The following HTRA3 variants were observed in gnomAD, a reference collection of about 807,000 sequenced individuals.
The protein encoded by HTRA3 is HtrA serine peptidase 3.
A neutral mutation model predicts 43.2 loss-of-function variants in HTRA3; 41 were observed. The ratio of observed to expected loss-of-function variants is 0.95; its 90% CI spans 0.74 to 1.23. The LOEUF is 1.23. Among genes scored for constraint, HTRA3 ranks in the 50% most tolerant of loss-of-function variants. The pLI is 0.00. For synonymous variants in HTRA3, 295 were observed against 287.9 expected (o/e 1.02, Z -0.25); for missense variants, 628 against 647.1 (o/e 0.97, Z 0.32).
chr4:8,272,687 A>G (rs1482678043), intron 1 of HTRA3, among the ~76,000 whole-genome samples: 1 of 152,224 alleles, frequency 6.6e-6, no homozygotes, highest in African/African-American at 2.4e-5. Context: ...CTTCTGTGCC[A>G]AGCTGTGGAG....
intron 1 of HTRA3, among the ~76,000 whole-genome samples, chr4:8,281,698 C>T (rs1462758561): frequency 2.0e-5 from 3 of 152,222 alleles, no homozygotes; most frequent in Admixed American, 6.5e-5. Flanking sequence ...GGGCTGTGGG[C>T]CCCGTGCCAC....
At chr4:8,280,019 C>T (rs569121080) in intron 1 of HTRA3, among the ~76,000 whole-genome samples, 2 of 152,252 alleles carry the variant, frequency 1.3e-5, no homozygotes, top group African/African-American at 4.8e-5. Context: ...GGGGCTGCTG[C>T]GGGGCTGCCT....
At chr4:8,293,829 C>A (rs568798028) in intron 5 of HTRA3, among the ~76,000 whole-genome samples, 25 of 152,226 alleles carry the variant, frequency 1.6e-4, no homozygotes, top group African/African-American at 6.0e-4. Context: ...GTGGCCAGAG[C>A]CTGGGGGCAG....
intron 5 of HTRA3, among the ~76,000 whole-genome samples, chr4:8,293,469 T>G (rs1409377415): frequency 6.6e-6 from 1 of 152,058 alleles, no homozygotes; most frequent in Non-Finnish European, 1.5e-5. Flanking sequence ...CCTGGTGAGC[T>G]GGCCAGGCCC....
At chr4:8,274,816 A>G (rs879340611) in intron 1 of HTRA3, among the ~76,000 whole-genome samples, 9 of 152,204 alleles carry the variant, frequency 5.9e-5, no homozygotes, top group Non-Finnish European at 1.3e-4. Flanking sequence ...CCATGCGCTC[A>G]GAATGTAGAG....
rs541088379 is a variant in HTRA3 at position 8,297,751 on chromosome 4, A to T, written c.1051+3550A>T. On this transcript the variant is annotated intron_variant, in intron 6 of 8. Transcript: ENST00000307358. This position sits in a 1 kb window ranked among gnomAD's most constrained non-coding sequence, Gnocchi z 5.8. Reference sequence around the variant, plus strand: ...GAGGATCCCACCCCCTGGATTTAGAAGCCACCTAGAGAGTGATCCCCCGGA... The same window carrying T: ...GAGGATCCCACCCCCTGGATTTAGATGCCACCTAGAGAGTGATCCCCCGGA... 5.3e-5 allele frequency among the ~76,000 whole-genome samples: 8 copies of T among 152,140 alleles called. No individual in the cohort carries two copies. The highest frequency in any genetic ancestry group is 1.3e-4 in the Admixed American group (2 of 15,296).
Position 8,297,677 on chromosome 4 carries a change from G to C in HTRA3, c.1051+3476G>C, listed in dbSNP as rs1259680334. Among the ~76,000 whole-genome samples the C allele has an allele frequency of 2.0e-5, 3 of 152,150 alleles. No homozygotes were observed. The highest frequency in any genetic ancestry group is 4.4e-5 in the Non-Finnish European group (3 of 68,020). On this transcript the variant is annotated intron_variant, in intron 6 of 8. Coordinates refer to ENST00000307358, the MANE Select transcript of HTRA3 (RefSeq NM_053044.5). The surrounding 1 kb of genome is among the most constrained non-coding windows in gnomAD (Gnocchi z 5.8). ...GGAGATTGCAGGGGACTCCCAGGCA[G>C]TGGGAGTGGGAAGGGCCCATGTCCC...
rs749177976 is a variant in HTRA3, at chr4:8,270,253, C to T, written c.285C>T (p.His95=). 3.3e-6 allele frequency: 5 copies of T among 1,521,030 alleles called. No individual in the cohort carries two copies. The South Asian group carries it at 6.0e-5, about 18-fold the overall frequency. 94.2% of individuals were successfully genotyped at this position (1,521,030 alleles called of 1,614,324 possible). A position where few individuals can be genotyped will look rare whatever the true frequency, so the allele number is the denominator to read the frequency against. Residue 95 remains histidine, a synonymous_variant, in exon 1 of 9, where the codon CAC becomes CAT. Transcript: ENST00000307358. ...WSHAVCGTDG[H]TYANVCALQA... is the part of the protein sequence containing the mutation. ...ACGCCGTGTGTGGCACCGACGGGCA[C>T]ACCTATGCCAACGTGTGCGCGCTGC... is the stretch of plus-strand genomic sequence containing the variant.
chr4:8,278,630 G>A (rs540778922), intron 1 of HTRA3, among the ~76,000 whole-genome samples: 4 of 152,162 alleles, frequency 2.6e-5, no homozygotes, highest in East Asian at 3.9e-4. Context: ...GCTGGGGCAC[G>A]GGGGCCCCTG....
chr4:8,274,878 C>T (rs1283103245), intron 1 of HTRA3, among the ~76,000 whole-genome samples: 1 of 152,162 alleles, frequency 6.6e-6, no homozygotes, highest in Non-Finnish European at 1.5e-5. Context: ...TATTGTGCAA[C>T]CCCAAGCAGG....
At chr4:8,299,118 A>G (rs1007150694) in intron 6 of HTRA3, among the ~76,000 whole-genome samples, 1 of 152,232 alleles carries the variant, frequency 6.6e-6, no homozygotes, top group Non-Finnish European at 1.5e-5. Context: ...ATCCATGAAT[A>G]CAGACTACCT....
rs1479063084 is a variant in HTRA3 at position 8,307,070 on chromosome 4, C to T, written c.*934C>T. 1 of 152,688 alleles carries T rather than the reference C, an allele frequency of 6.5e-6. No homozygotes were observed. Among genetic ancestry groups the T allele is most frequent in the Non-Finnish European group, 1.5e-5 (1 of 68,072 alleles). The allele number at this position is 152,688 out of a possible 1,614,324, so 9.5% of individuals were successfully genotyped here. On this transcript the variant is annotated 3_prime_UTR_variant, in exon 9 of 9. Transcript: ENST00000307358. The surrounding 1 kb of genome is among the most constrained non-coding windows in gnomAD (Gnocchi z 6.1). ...GTTGCTTGTACTGTATGTTTCTCTA[C>T]TGTATGGAAAATAAAGTTTACAAGC...
intron 6 of HTRA3, 142 bp downstream of exon 6, chr4:8,294,343 A>C: frequency 1.7e-6 from 1 of 579,456 alleles, no homozygotes; most frequent in African/African-American, 1.9e-5. Context: ...CTGTCTGCCC[A>C]CCCCAAAGCT....
At chr4:8,285,323 G>GGCCT (rs1009618524) in intron 2 of HTRA3, among the ~76,000 whole-genome samples, 1 of 152,202 alleles carries the variant, frequency 6.6e-6, no homozygotes, top group African/African-American at 2.4e-5. Context: ...AGCATTCAAT[G>GGCCT]GCCTGCCTGC....
chr4:8,275,765 C>T (rs571603160), intron 1 of HTRA3, among the ~76,000 whole-genome samples: 1 of 152,342 alleles, frequency 6.6e-6, no homozygotes, highest in African/African-American at 2.4e-5. Context: ...GCCTTCAACA[C>T]ATCATTGGGG....
chr4:8,288,903 T>TTCCTTCCC (rs1713108635), intron 3 of HTRA3, among the ~76,000 whole-genome samples: 1 of 142,306 alleles, frequency 7.0e-6, no homozygotes, highest in Non-Finnish European at 1.5e-5. Flanking sequence ...CCGTCCGTCC[T>TTCCTTCCC]TCCTTCCTTC....
Position 8,302,482 on chromosome 4 carries a change from C to T in HTRA3, c.1071C>T (p.Ile357=), listed in dbSNP as rs771720134. 44 of 1,613,960 alleles carry T rather than the reference C, an allele frequency of 2.7e-5. No individual in the cohort carries two copies. The highest frequency in any genetic ancestry group is 3.5e-5 in the Non-Finnish European group (41 of 1,180,014). The change falls in exon 7 of 9, where the codon ATC becomes ATT. Residue 357 remains isoleucine, a synonymous_variant. Coordinates refer to ENST00000307358, the MANE Select transcript of HTRA3 (RefSeq NM_053044.5). ...KQIKDWKKRF[I]GIRMRTITPS... ...TTCCAGACTGGAAGAAGCGCTTCAT[C>T]GGCATACGGATGCGGACGATCACAC...
rs986652444 is a variant in HTRA3, at chr4:8,286,839, T to G, written c.708+56T>G. On this transcript the variant is annotated intron_variant, in intron 3 of 8. Transcript: ENST00000307358. This position sits in a 1 kb window ranked among gnomAD's most constrained non-coding sequence, Gnocchi z 4.9. ...ACCTGGGGCTGGGCATGGTGGCCTC[T>G]TCCCAGACGCCGGAACCCAGAGGCA... is the stretch of plus-strand genomic sequence containing the variant. The G allele has an allele frequency of 7.3e-7, 1 of 1,378,620 alleles. No individual in the cohort carries two copies. Among genetic ancestry groups the G allele is most frequent in the Non-Finnish European group, 1.0e-6 (1 of 990,712 alleles). 85.4% of individuals were successfully genotyped at this position (1,378,620 alleles called of 1,614,324 possible). A position where few individuals can be genotyped will look rare whatever the true frequency, so the allele number is the denominator to read the frequency against.
rs1425481683 is a variant in HTRA3 at position 8,300,376 on chromosome 4, T to G, written c.1052-2087T>G. Among the ~76,000 whole-genome samples, 4 of 152,216 alleles carry G rather than the reference T, an allele frequency of 2.6e-5. No homozygotes were observed. In the East Asian group the frequency reaches 7.7e-4, roughly 29 times the overall value. ...ATCTTTTAGGCTTGAAGTTTTTTTT[T>G]GTAGGAAGATTTTTAACTCCAAATT... On this transcript the variant is annotated intron_variant, in intron 6 of 8. Transcript: ENST00000307358.
Sources: gnomAD v4.1 joint callset for allele counts (sites outside exome capture counted in the v4.1 genomes callset) on GRCh38, gnomAD v4.1.1 for gene constraint, Gnocchi (gnomAD v3.1) non-coding constraint, MANE v1.5 for transcripts, NCBI Gene and HGNC (gene_info 2026-07-23, HGNC 2026-07-21) for gene names.